RPH3A: variants seen among roughly 807,000 people sequenced by gnomAD.
The protein encoded by RPH3A is rabphilin-3A.
A neutral mutation model predicts 102.2 loss-of-function variants in RPH3A; 48 were observed. The observed-to-expected ratio is 0.47, with a 90% CI of 0.37 to 0.60. RPH3A has a LOEUF of 0.60. Ranked by LOEUF, RPH3A falls within the 20% of genes least tolerant of loss-of-function variation. RPH3A has a pLI of 0.00. For missense variants in RPH3A, 781 were observed against 910.1 expected, an observed-to-expected ratio of 0.86 and a Z score of 1.83; for synonymous variants, 310 against 324.3, an observed-to-expected ratio of 0.96 and a Z score of 0.47.
At chr12:112,720,191 C>T (rs961049754) in intron 1 of RPH3A, among the ~76,000 whole-genome samples, 22 of 152,204 alleles carry the variant, frequency 1.4e-4, no homozygotes, top group African/African-American at 2.7e-4. Context: ...TGCACATGCA[C>T]GTGTGCTCAT....
chr12:112,729,663 A>G (rs1255242610), intron 1 of RPH3A, among the ~76,000 whole-genome samples: 1 of 152,222 alleles, frequency 6.6e-6, no homozygotes, highest in African/African-American at 2.4e-5. Context: ...GTGAACTGCT[A>G]AGCTTGATAC....
chr12:112,848,585 A>T (rs961109233), intron 5 of RPH3A, among the ~76,000 whole-genome samples: 1 of 152,194 alleles, frequency 6.6e-6, no homozygotes, highest in African/African-American at 2.4e-5. Flanking sequence ...TGTTGGGATG[A>T]CACATGCACA....
At chr12:112,767,037 C>T (rs1213861970) in intron 1 of RPH3A, among the ~76,000 whole-genome samples, 1 of 152,168 alleles carries the variant, frequency 6.6e-6, no homozygotes, top group South Asian at 2.1e-4. Flanking sequence ...GATGTAGATG[C>T]TCCACAGAAA....
chr12:112,842,364 G>A (rs978591915), intron 4 of RPH3A, among the ~76,000 whole-genome samples: 1 of 152,202 alleles, frequency 6.6e-6, no homozygotes, highest in African/African-American at 2.4e-5. Context: ...ACATGGTCTA[G>A]TTGACCCTCA....
At chr12:112,866,957 A>G (rs1301317833) in intron 7 of RPH3A, 117 bp downstream of exon 7, 9 of 708,402 alleles carry the variant, frequency 1.3e-5, no homozygotes, top group Middle Eastern at 3.8e-4. Context: ...TTGACAGAAC[A>G]ACCTCAGAGT....
rs377457634 is a variant in RPH3A at position 112,870,310 on chromosome 12, CA to C, written c.796+290del. The stretch of plus-strand genomic sequence containing the variant: ...AGCATGATTTTTTTTCTCCCCGCCT[CA>C]AAAAAAAAAAAAAAAAAACCCTGGG... On this transcript the variant is annotated intron_variant, in intron 10 of 21. Coordinates refer to ENST00000389385, the MANE Select transcript of RPH3A (RefSeq NM_001143854.2). 8.4e-3 allele frequency among the ~76,000 whole-genome samples: 884 copies of C among 105,572 alleles called. 1 individual carries two copies. Among genetic ancestry groups the C allele is most frequent in the African/African-American group, 0.017 (495 of 28,664 alleles). The allele number at this position is 105,572 out of a possible 152,430, so 69.3% of individuals were successfully genotyped here.
chr12:112,844,639 T>A (rs2042201004), intron 4 of RPH3A, among the ~76,000 whole-genome samples: 1 of 152,214 alleles, frequency 6.6e-6, no homozygotes, highest in South Asian at 2.1e-4. Flanking sequence ...TTTGTAAGAA[T>A]GTGTCATGCA....
At chr12:112,609,429 T>C (rs571429631) in intron 1 of RPH3A, among the ~76,000 whole-genome samples, 2 of 152,328 alleles carry the variant, frequency 1.3e-5, no homozygotes, top group East Asian at 3.9e-4. Context: ...GAGTTTCCTG[T>C]GAAATCTCTA....
intron 1 of RPH3A, among the ~76,000 whole-genome samples, chr12:112,756,828 C>T (rs2040826187): frequency 6.6e-6 from 1 of 152,228 alleles, no homozygotes; most frequent in Admixed American, 6.5e-5. Flanking sequence ...TGTCAAATTA[C>T]ACTGCATAGG....
chr12:112,741,774 A>G (rs891257134), intron 1 of RPH3A, among the ~76,000 whole-genome samples: 2 of 152,208 alleles, frequency 1.3e-5, no homozygotes, highest in African/African-American at 4.8e-5. Context: ...GATACAGCAC[A>G]CAGGCCCCCC....
chr12:112,742,241 GC>G, intron 1 of RPH3A, among the ~76,000 whole-genome samples: 1 of 152,162 alleles, frequency 6.6e-6, no homozygotes, highest in Non-Finnish European at 1.5e-5. Context: ...TCTTCTTTGG[GC>G]CCCCTGTGGA....
intron 1 of RPH3A, among the ~76,000 whole-genome samples, chr12:112,713,100 CTTTTA>C (rs1463259868): frequency 1.1e-5 from 1 of 91,164 alleles, no homozygotes; most frequent in African/African-American, 3.5e-5. Flanking sequence ...TCTTCTTCTT[CTTTTA>C]TTTTTTTGTA....
intron 3 of RPH3A, among the ~76,000 whole-genome samples, chr12:112,829,094 C>T (rs1349136330): frequency 6.6e-6 from 1 of 152,200 alleles, no homozygotes; most frequent in Non-Finnish European, 1.5e-5. Context: ...TTTCCTGGAA[C>T]AGATGACCTC....
At chr12:112,813,298 AT>A (rs2041612428) in intron 2 of RPH3A, 1 of 152,302 alleles carries the variant, frequency 6.6e-6, no homozygotes, top group South Asian at 2.1e-4. Flanking sequence ...ACAGTACTTG[AT>A]GTTTTGAGGG....
Position 112,823,495 on chromosome 12 carries a change from G to A in RPH3A, c.-18-4806G>A, listed in dbSNP as rs140906786. Among the ~76,000 whole-genome samples, 182 of 152,286 alleles carry A rather than the reference G, an allele frequency of 1.2e-3. 1 individual carries two copies. The highest frequency in any genetic ancestry group is 4.0e-3 in the African/African-American group (166 of 41,542). On this transcript the variant is annotated intron_variant, in intron 2 of 21. Transcript: ENST00000389385. ...AATTGTAAGTCATCATCCTATACCC[G>A]ATAAGTATAGGAGAAGCAGGAAAAG...
intron 1 of RPH3A, chr12:112,649,573 C>G (rs2039958805): frequency 6.6e-6 from 1 of 152,208 alleles, no homozygotes; most frequent in African/African-American, 2.4e-5. Context: ...TAAGCAATAT[C>G]TGCATTCACA....
At position 112,869,696 on chromosome 12, in the gene RPH3A, A is replaced by C. The variant is rs1377669741; in HGVS notation, c.611-63A>C. On this transcript the variant is annotated intron_variant, in intron 8 of 21. Coordinates refer to ENST00000389385, the MANE Select transcript of RPH3A (RefSeq NM_001143854.2). ...AATGAACCCCTTTGTAGGCTTCTTA[A>C]GTACCGGTTTTCCAGACACCAGAAA... The C allele has an allele frequency of 1.4e-5, 21 of 1,534,530 alleles. No individual in the cohort carries two copies. In the East Asian group the frequency reaches 4.7e-4, roughly 34 times the overall value.
intron 1 of RPH3A, among the ~76,000 whole-genome samples, chr12:112,712,971 T>TTTGTCG (rs2040481075): frequency 8.7e-6 from 1 of 114,762 alleles, no homozygotes; most frequent in African/African-American, 2.9e-5. Flanking sequence ...TTCTTTCTTC[T>TTTGTCG]TCTTTCTTCT....
Position 112,875,066 on chromosome 12 carries a change from C to A in RPH3A, c.797-18C>A. ...GTGTGTGACACATAATGGCTGTTTT[C>A]TTTTCTTTCCTCTGCAGGTTTGAGA... On this transcript the variant is annotated intron_variant, in intron 10 of 21. Coordinates refer to ENST00000389385, the MANE Select transcript of RPH3A (RefSeq NM_001143854.2). 1.3e-6 allele frequency: 2 copies of A among 1,588,484 alleles called. No individual in the cohort carries two copies. The highest frequency in any genetic ancestry group is 1.8e-5 in the Admixed American group (1 of 56,904).
Sources: gnomAD v4.1 joint callset for allele counts (sites outside exome capture counted in the v4.1 genomes callset) on GRCh38, gnomAD v4.1.1 for gene constraint, MANE v1.5 for transcripts, NCBI Gene and HGNC (gene_info 2026-07-23, HGNC 2026-07-21) for gene names.